Variants in ASPRV1 observed in about 807,000 individuals in gnomAD.
The protein encoded by ASPRV1 is aspartic peptidase retroviral like 1, also known as retroviral-like aspartic protease 1.
ASPRV1 carries 7 observed loss-of-function variants against 11.0 expected under a neutral mutation model. The ratio of observed to expected loss-of-function variants is 0.64; its 90% CI spans 0.36 to 1.20. The LOEUF (loss-of-function observed/expected upper bound fraction) is 1.20, where lower values mean the gene tolerates loss of function less well. Among genes scored for constraint, ASPRV1 ranks in the 50% most tolerant of loss-of-function variants. The probability of loss-of-function intolerance (pLI) is 0.02; values close to 1 mark genes in which losing one functional copy is unlikely to be tolerated. For missense variants in ASPRV1, 299 were observed against 320.0 expected (o/e 0.93, Z 0.50); for synonymous variants, 136 against 138.4 (o/e 0.98, Z 0.12).
chr2:70,019,013 G>A, the ASPRV1 span: 2 of 152,168 alleles, frequency 1.3e-5, no homozygotes, highest in Admixed American at 6.5e-5. Context: ...ATGTATCTGA[G>A]AAGGGGTTGT....
At chr2:70,046,249 T>G in the ASPRV1 span, 1 of 152,226 alleles carries the variant, frequency 6.6e-6, no homozygotes, top group Non-Finnish European at 1.5e-5. Flanking sequence ...CTCTTTGGAC[T>G]CAAGCAACAG....
the ASPRV1 span, among the ~76,000 whole-genome samples, chr2:70,010,162 G>T: frequency 1.3e-5 from 2 of 152,146 alleles, no homozygotes; most frequent in Admixed American, 1.3e-4. Flanking sequence ...AAATGCTCAT[G>T]GGATGAGGGT....
chr2:70,006,769 A>G, the ASPRV1 span, among the ~76,000 whole-genome samples: 1 of 152,196 alleles, frequency 6.6e-6, no homozygotes, highest in African/African-American at 2.4e-5. Flanking sequence ...ACATAAAATA[A>G]CATCCTGATC....
the ASPRV1 span, among the ~76,000 whole-genome samples, chr2:70,047,439 C>T: frequency 2.5e-4 from 38 of 152,182 alleles, no homozygotes; most frequent in African/African-American, 8.7e-4. Flanking sequence ...CCAATGCCAC[C>T]ATGAAACTGC....
the ASPRV1 span, chr2:69,938,202 T>C: frequency 1.2e-6 from 2 of 1,614,182 alleles, no homozygotes; most frequent in East Asian, 2.2e-5. Flanking sequence ...ATGCAGAGCC[T>C]CGGCAGTGAT....
At chr2:70,023,808 A>C in the ASPRV1 span, among the ~76,000 whole-genome samples, 3 of 152,134 alleles carry the variant, frequency 2.0e-5, no homozygotes, top group Non-Finnish European at 4.4e-5. Context: ...AATTGTTTGT[A>C]AGTGAAAGTG....
At chr2:70,040,729 G>A in the ASPRV1 span, among the ~76,000 whole-genome samples, 40 of 152,210 alleles carry the variant, frequency 2.6e-4, no homozygotes, top group African/African-American at 9.1e-4. Flanking sequence ...ACCTACTCGG[G>A]AGGCTGAGGC....
the ASPRV1 span, among the ~76,000 whole-genome samples, chr2:69,978,882 G>A: frequency 1.3e-5 from 2 of 152,166 alleles, no homozygotes; most frequent in African/African-American, 4.8e-5. Flanking sequence ...TGGACAAGAG[G>A]CCATATCTTC....
At chr2:69,953,987 G>C in the ASPRV1 span, among the ~76,000 whole-genome samples, 8 of 152,056 alleles carry the variant, frequency 5.3e-5, no homozygotes, top group Admixed American at 3.3e-4. Flanking sequence ...CAAAGTGTTG[G>C]GATTACAGGC....
the ASPRV1 span, among the ~76,000 whole-genome samples, chr2:69,971,971 G>A: frequency 5.7e-4 from 87 of 152,238 alleles, no homozygotes; most frequent in African/African-American, 2.0e-3. Context: ...CAAGCAATCC[G>A]TACCATGGGG....
the ASPRV1 span, among the ~76,000 whole-genome samples, chr2:70,004,001 T>C: frequency 6.6e-6 from 1 of 152,158 alleles, no homozygotes. Flanking sequence ...CATTATAAAT[T>C]GCCCAGTCTG....
the ASPRV1 span, among the ~76,000 whole-genome samples, chr2:70,021,653 T>C: frequency 5.3e-5 from 8 of 151,074 alleles, no homozygotes; most frequent in East Asian, 1.2e-3. Flanking sequence ...CTGTCCAATA[T>C]AGTACCTATA....
the ASPRV1 span, chr2:69,937,467 A>G: frequency 7.1e-7 from 1 of 1,407,162 alleles, no homozygotes; most frequent in Non-Finnish European, 9.5e-7. Context: ...AGTACTGCGG[A>G]CAGGAGGCAG....
the ASPRV1 span, among the ~76,000 whole-genome samples, chr2:70,073,656 A>C: frequency 6.6e-6 from 1 of 152,142 alleles, no homozygotes; most frequent in Non-Finnish European, 1.5e-5. Context: ...ATGAAACCTA[A>C]ATGTGCGGCT....
the ASPRV1 span, among the ~76,000 whole-genome samples, chr2:70,020,533 A>G: frequency 3.1e-4 from 47 of 152,326 alleles, no homozygotes; most frequent in Middle Eastern, 3.4e-3. Context: ...ATCCGAGGTC[A>G]GGAGTTTGAG....
chr2:69,946,439 A>T, the ASPRV1 span, among the ~76,000 whole-genome samples: 1 of 152,206 alleles, frequency 6.6e-6, no homozygotes, highest in South Asian at 2.1e-4. Context: ...CTGTAGAGTG[A>T]GGATAATAAC....
At chr2:69,940,116 T>C in the ASPRV1 span, 41 of 119,854 alleles carry the variant, frequency 3.4e-4, no homozygotes, top group African/African-American at 1.2e-3. Context: ...ATTTTGGCTT[T>C]GGGTGGGGGG....
At chr2:70,020,160 G>T in the ASPRV1 span, among the ~76,000 whole-genome samples, 23 of 152,138 alleles carry the variant, frequency 1.5e-4, no homozygotes, top group African/African-American at 5.6e-4. Context: ...AAATGGTGTA[G>T]CTGCTGGAGA....
At chr2:69,938,346 T>C in the ASPRV1 span, 2 of 1,540,828 alleles carry the variant, frequency 1.3e-6, no homozygotes, top group East Asian at 2.3e-5. Context: ...TTAGGTAACG[T>C]ATTGGACCTG....
Sources: allele counts gnomAD v4.1 joint callset (sites outside exome capture counted in the v4.1 genomes callset), GRCh38; gene constraint gnomAD v4.1.1; transcripts MANE v1.5; gene names NCBI Gene and HGNC (gene_info 2026-07-23, HGNC 2026-07-21).